The following GPR158 variants were observed in gnomAD, a reference collection of about 807,000 sequenced individuals.
GPR158 encodes G protein-coupled receptor 158, also known as metabotropic glycine receptor.
A neutral mutation model predicts 78.2 loss-of-function variants in GPR158; 30 were observed. The observed-to-expected ratio is 0.38, with a 90% CI of 0.29 to 0.52. GPR158 has a LOEUF of 0.52. Ranked by LOEUF, GPR158 falls within the 20% of genes least tolerant of loss-of-function variation. GPR158 has a pLI of 0.83. For missense variants in GPR158, 1,463 were observed against 1,523.5 expected (o/e 0.96, Z 0.66); for synonymous variants, 581 against 591.1 (o/e 0.98, Z 0.25).
chr10:25,251,049 T>C (rs1237958280), intron 2 of GPR158, among the ~76,000 whole-genome samples: 1 of 152,144 alleles, frequency 6.6e-6, no homozygotes, highest in African/African-American at 2.4e-5. Context: ...GTTGAATTGA[T>C]CCCTTTACCA....
chr10:25,333,274 T>A (rs181664986), intron 2 of GPR158, among the ~76,000 whole-genome samples: 1 of 152,232 alleles, frequency 6.6e-6, no homozygotes, highest in Admixed American at 6.5e-5. Context: ...ACATTAGAAA[T>A]TTTTACCTAT....
chr10:25,204,297 A>G (rs1588733177), intron 1 of GPR158, among the ~76,000 whole-genome samples: 1 of 152,206 alleles, frequency 6.6e-6, no homozygotes, highest in Non-Finnish European at 1.5e-5. Flanking sequence ...TACGTTGAAT[A>G]GGAGTGTTGA....
chr10:25,580,891 AATTTTTTT>A (rs1383596150), intron 7 of GPR158, among the ~76,000 whole-genome samples: 2 of 147,870 alleles, frequency 1.4e-5, no homozygotes, highest in Non-Finnish European at 3.0e-5. Context: ...ATGCCCAGCT[AATTTTTTT>A]ATTTTTTTAT....
chr10:25,506,856 T>C (rs1588891097), intron 5 of GPR158, among the ~76,000 whole-genome samples: 1 of 152,368 alleles, frequency 6.6e-6, no homozygotes, highest in African/African-American at 2.4e-5. Context: ...TAACATAGAA[T>C]TATGTATCTG....
intron 4 of GPR158, among the ~76,000 whole-genome samples, chr10:25,427,619 T>A (rs10828801): frequency 0.7 from 106,231 of 151,802 alleles, 38,180 homozygotes; most frequent in Non-Finnish European, 0.8. Flanking sequence ...GGAATGAGAG[T>A]GGACTGGCAC....
intron 5 of GPR158, among the ~76,000 whole-genome samples, chr10:25,499,466 CAT>C (rs1361766473): frequency 1.3e-5 from 2 of 152,300 alleles, no homozygotes; most frequent in East Asian, 3.9e-4. Context: ...GTGAAGATCA[CAT>C]GTTTGTTCCT....
At chr10:25,352,569 C>T (rs1855490454) in intron 2 of GPR158, among the ~76,000 whole-genome samples, 1 of 148,266 alleles carries the variant, frequency 6.7e-6, no homozygotes, top group African/African-American at 2.6e-5. Flanking sequence ...TGATTGGTTA[C>T]TTTTGCCTTT....
chr10:25,391,994 A>T (rs938671875), intron 2 of GPR158, among the ~76,000 whole-genome samples: 1 of 152,092 alleles, frequency 6.6e-6, no homozygotes. Flanking sequence ...TATAAAGGGC[A>T]GTTCTCCTGC....
chr10:25,364,359 C>T (rs201405726), intron 2 of GPR158, among the ~76,000 whole-genome samples: 3 of 151,830 alleles, frequency 2.0e-5, no homozygotes, highest in Admixed American at 2.0e-4. Context: ...TAATCAGAAC[C>T]GTTTGTTAAT....
intron 5 of GPR158, among the ~76,000 whole-genome samples, chr10:25,536,050 A>G (rs1374361003): frequency 6.6e-6 from 1 of 152,194 alleles, no homozygotes; most frequent in Non-Finnish European, 1.5e-5. Context: ...TATATTTCTC[A>G]TTGGTGGTAA....
intron 5 of GPR158, among the ~76,000 whole-genome samples, chr10:25,480,214 C>T (rs1176777772): frequency 1.3e-5 from 2 of 152,174 alleles, no homozygotes; most frequent in East Asian, 3.9e-4. Flanking sequence ...TGATAATGTC[C>T]CTTTTGTTAA....
chr10:25,250,960 A>C (rs924783221), intron 2 of GPR158, among the ~76,000 whole-genome samples: 53 of 151,518 alleles, frequency 3.5e-4, no homozygotes, highest in Non-Finnish European at 7.4e-4. Context: ...GTCTCTTTGT[A>C]GGTCACTCAG....
chr10:25,452,375 T>C (rs1835232368), intron 4 of GPR158, among the ~76,000 whole-genome samples: 1 of 152,166 alleles, frequency 6.6e-6, no homozygotes, highest in Non-Finnish European at 1.5e-5. Context: ...TTGCAATTCA[T>C]TCATTTATAT....
At chr10:25,341,903 C>G (rs777170164) in intron 2 of GPR158, among the ~76,000 whole-genome samples, 18 of 151,836 alleles carry the variant, frequency 1.2e-4, no homozygotes, top group Non-Finnish European at 2.1e-4. Flanking sequence ...GACTCACTTT[C>G]TGGTCCCACC....
Position 25,250,891 on chromosome 10 carries a change from C to A in GPR158, c.1008+29734C>A, listed in dbSNP as rs765107079. Among the ~76,000 whole-genome samples, 1,352 of 151,760 alleles carry A rather than the reference C, an allele frequency of 8.9e-3. 8 individuals carry two copies. Among genetic ancestry groups the A allele is most frequent in the South Asian group, 0.024 (113 of 4,772 alleles). ...CTTGTTGACTTTCTGTCTCGTTGAT[C>A]TGTCTAATGTTGACAGTGGGGTGTT... On this transcript the variant is annotated intron_variant, in intron 2 of 10. Transcript: ENST00000376351.
intron 2 of GPR158, among the ~76,000 whole-genome samples, chr10:25,254,775 G>A (rs1348785125): frequency 6.6e-6 from 1 of 152,160 alleles, no homozygotes; most frequent in South Asian, 2.1e-4. Context: ...GCATATTAGT[G>A]TAATGTATTT....
intron 5 of GPR158, among the ~76,000 whole-genome samples, chr10:25,485,688 A>G (rs967705981): frequency 3.9e-5 from 6 of 152,202 alleles, no homozygotes; most frequent in Admixed American, 3.9e-4. Flanking sequence ...ATCTTTAAAA[A>G]TACTTTATAT....
chr10:25,277,163 C>T (rs893221111), intron 2 of GPR158, among the ~76,000 whole-genome samples: 1 of 152,012 alleles, frequency 6.6e-6, no homozygotes, highest in Non-Finnish European at 1.5e-5. Context: ...GTTGCCCAGG[C>T]TGGTCTTAAA....
At chr10:25,391,024 G>A (rs922311562) in intron 2 of GPR158, among the ~76,000 whole-genome samples, 1 of 152,216 alleles carries the variant, frequency 6.6e-6, no homozygotes, top group Admixed American at 6.5e-5. Context: ...TTGCTTCAGA[G>A]GGTCAAGCCC....
Sources: gnomAD v4.1 joint callset for allele counts (sites outside exome capture counted in the v4.1 genomes callset) on GRCh38, gnomAD v4.1.1 for gene constraint, MANE v1.5 for transcripts, NCBI Gene and HGNC (gene_info 2026-07-23, HGNC 2026-07-21) for gene names.